DLGAP1: variants seen among roughly 807,000 people sequenced by gnomAD.
DLGAP1 encodes disks large-associated protein 1.
Under a neutral mutation model 90.8 loss-of-function variants are expected in DLGAP1, and 11 were observed. The ratio of observed to expected loss-of-function variants is 0.12; its 90% CI spans 0.08 to 0.20. The LOEUF (loss-of-function observed/expected upper bound fraction) is 0.20. Ranked by LOEUF, DLGAP1 falls within the 10% of genes least tolerant of loss-of-function variation. The pLI is 1.00. For synonymous variants in DLGAP1, 558 were observed against 540.7 expected, an observed-to-expected ratio of 1.03 and a Z score of -0.44; for missense variants, 1,050 against 1,333.8, an observed-to-expected ratio of 0.79 and a Z score of 3.31.
intron 2 of DLGAP1, among the ~76,000 whole-genome samples, chr18:4,021,794 T>A (rs1218835819): frequency 6.6e-6 from 1 of 152,082 alleles, no homozygotes; most frequent in African/African-American, 2.4e-5. Context: ...AGATAGGGAT[T>A]CCCCGTGTTG....
chr18:4,103,952 GTTTA>G (rs1189539537), intron 2 of DLGAP1, among the ~76,000 whole-genome samples: 3 of 152,028 alleles, frequency 2.0e-5, no homozygotes, highest in Non-Finnish European at 2.9e-5. Flanking sequence ...ATTCCTAATA[GTTTA>G]TTTAGGAGTT....
chr18:4,028,543 T>C (rs1405455323), intron 2 of DLGAP1, among the ~76,000 whole-genome samples: 1 of 152,244 alleles, frequency 6.6e-6, no homozygotes, highest in African/African-American at 2.4e-5. Flanking sequence ...GACTTGATTA[T>C]ACAATGTATA....
At chr18:4,443,627 G>A (rs1335574971) in intron 1 of DLGAP1, among the ~76,000 whole-genome samples, 2 of 152,132 alleles carry the variant, frequency 1.3e-5, no homozygotes, top group Non-Finnish European at 2.9e-5. Flanking sequence ...GTGTCCAAAC[G>A]TATTCAGTTA....
At position 4,453,632 on chromosome 18, in the gene DLGAP1, C is replaced by T. The variant is rs376792745; in HGVS notation, c.-267+1374G>A. ...ATCGCTTTCCTAGTTCTCAGCATTT[C>T]TCATCTCCATGTCTAACCACATCTT... On this transcript the variant is annotated intron_variant, in intron 1 of 12. Transcript: ENST00000315677. 7.4e-4 allele frequency among the ~76,000 whole-genome samples: 112 copies of T among 152,306 alleles called. 2 individuals are homozygous for T. In the South Asian group the frequency reaches 0.023, roughly 31 times the overall value.
intron 1 of DLGAP1, among the ~76,000 whole-genome samples, chr18:4,350,465 T>C (rs1217881457): frequency 6.6e-6 from 1 of 152,158 alleles, no homozygotes; most frequent in Non-Finnish European, 1.5e-5. Context: ...TAAAAGTAAA[T>C]ATAATTTTCT....
chr18:4,088,524 T>C (rs2143713802), intron 2 of DLGAP1, among the ~76,000 whole-genome samples: 1 of 152,342 alleles, frequency 6.6e-6, no homozygotes, highest in East Asian at 1.9e-4. Context: ...GTTTCTGTTA[T>C]AGATTGTTTC....
chr18:4,321,326 T>C (rs1236639044), intron 1 of DLGAP1, among the ~76,000 whole-genome samples: 1 of 152,248 alleles, frequency 6.6e-6, no homozygotes, highest in Non-Finnish European at 1.5e-5. Flanking sequence ...ATTTCACCTG[T>C]TACTAGATTT....
intron 7 of DLGAP1, among the ~76,000 whole-genome samples, chr18:3,648,983 G>T (rs1240618228): frequency 1.3e-5 from 2 of 152,154 alleles, no homozygotes; most frequent in African/African-American, 4.8e-5. Flanking sequence ...CGCTTATTCA[G>T]CACAGATTTG....
chr18:3,620,525 G>A (rs1274318856), intron 7 of DLGAP1, among the ~76,000 whole-genome samples: 1 of 149,042 alleles, frequency 6.7e-6, no homozygotes, highest in Non-Finnish European at 1.5e-5. Flanking sequence ...GAAAATCCTC[G>A]AGAACAACTG....
chr18:4,263,424 ATTTG>A (rs1374059848), intron 1 of DLGAP1, among the ~76,000 whole-genome samples: 1 of 152,188 alleles, frequency 6.6e-6, no homozygotes, highest in African/African-American at 2.4e-5. Flanking sequence ...TCTTATTAAA[ATTTG>A]TTTGAAGTGA....
chr18:4,216,499 A>G (rs761162169), intron 1 of DLGAP1, among the ~76,000 whole-genome samples: 2 of 152,190 alleles, frequency 1.3e-5, no homozygotes, highest in African/African-American at 4.8e-5. Flanking sequence ...AATCATGGAC[A>G]TGCCATACAC....
intron 9 of DLGAP1, among the ~76,000 whole-genome samples, chr18:3,554,045 G>A (rs910470675): frequency 2.0e-5 from 3 of 152,074 alleles, no homozygotes; most frequent in African/African-American, 7.2e-5. Context: ...AAATAGAATT[G>A]TTATTTGGAA....
intron 3 of DLGAP1, among the ~76,000 whole-genome samples, chr18:3,958,278 G>C (rs1273073951): frequency 1.3e-5 from 2 of 151,878 alleles, no homozygotes; most frequent in African/African-American, 4.8e-5. Flanking sequence ...TAATCCCAAA[G>C]TGCTGGGATT....
chr18:3,599,186 A>G (rs1275681387), intron 7 of DLGAP1, among the ~76,000 whole-genome samples: 2 of 152,220 alleles, frequency 1.3e-5, no homozygotes, highest in African/African-American at 4.8e-5. Flanking sequence ...AATCTATACC[A>G]ATTTACTCCA....
At chr18:3,550,572 T>C (rs1294536384) in intron 9 of DLGAP1, among the ~76,000 whole-genome samples, 1 of 151,926 alleles carries the variant, frequency 6.6e-6, no homozygotes, top group South Asian at 2.1e-4. Flanking sequence ...TGGGCTCTAA[T>C]CCAGTATGAC....
chr18:3,710,948 T>C (rs1209739289), intron 7 of DLGAP1, among the ~76,000 whole-genome samples: 3 of 152,058 alleles, frequency 2.0e-5, no homozygotes, highest in Non-Finnish European at 4.4e-5. Flanking sequence ...GTCTAATAAG[T>C]AACAGGTGTT....
chr18:4,077,211 C>T (rs1413765177), intron 2 of DLGAP1, among the ~76,000 whole-genome samples: 5 of 152,110 alleles, frequency 3.3e-5, no homozygotes, highest in Admixed American at 2.0e-4. Flanking sequence ...AAGTAAAATA[C>T]CCAGTGATTT....
At chr18:3,860,542 G>C (rs550214729) in intron 4 of DLGAP1, among the ~76,000 whole-genome samples, 1 of 152,162 alleles carries the variant, frequency 6.6e-6, no homozygotes, top group Non-Finnish European at 1.5e-5. Flanking sequence ...CAGCTTTCTG[G>C]TAGCAAAGCT....
rs181456096 is a variant in DLGAP1 at position 3,659,351 on chromosome 18, G to T, written c.1591+69784C>A. Among the ~76,000 whole-genome samples, 488 of 150,452 alleles carry T rather than the reference G, an allele frequency of 3.2e-3. 3 individuals are homozygous for T. Among genetic ancestry groups the T allele is most frequent in the African/African-American group, 0.011 (467 of 40,632 alleles). ...CATTATCTGGTGTGTGGCTGACATT[G>T]ACATTGCCTGGAATTCAGGGTAAGC... On this transcript the variant is annotated intron_variant, in intron 7 of 12. Coordinates refer to ENST00000315677, the MANE Select transcript of DLGAP1 (RefSeq NM_004746.4).
Sources: gnomAD v4.1 joint callset for allele counts (sites outside exome capture counted in the v4.1 genomes callset) on GRCh38, gnomAD v4.1.1 for gene constraint, MANE v1.5 for transcripts, NCBI Gene and HGNC (gene_info 2026-07-23, HGNC 2026-07-21) for gene names.